The following STAT1 variants were observed in gnomAD, a reference collection of about 807,000 sequenced individuals.
STAT1 encodes signal transducer and activator of transcription 1-alpha/beta.
A neutral mutation model predicts 111.7 loss-of-function variants in STAT1; 24 were observed. The observed-to-expected ratio is 0.21, with a 90% CI of 0.16 to 0.30. The LOEUF is 0.30. Among genes scored for constraint, STAT1 ranks in the 10% least tolerant of loss-of-function variants. The probability of loss-of-function intolerance (pLI) is 1.00; values close to 1 mark genes in which losing one functional copy is unlikely to be tolerated. For missense variants in STAT1, 351 were observed against 911.9 expected (o/e 0.38, Z 7.92); for synonymous variants, 332 against 326.5 (o/e 1.02, Z -0.18).
intron 11 of STAT1, 43 bp downstream of exon 11, chr2:190,991,185 T>G (rs1367730265): frequency 6.3e-7 from 1 of 1,589,820 alleles, no homozygotes; most frequent in African/African-American, 1.3e-5. Flanking sequence ...GGGTACAAAC[T>G]ACGTGACAGG....
At position 190,976,859 on chromosome 2, in the gene STAT1, A is replaced by G. The variant is rs1330070497; in HGVS notation, c.2040T>C (p.Tyr680=). The part of the protein sequence containing the change: ...NIDKDHAFGK[Y]YSRPKEAPEP... ...ACTTACCTTCCTTTGGCCTGGAGTA[A>G]TACTTTCCAAAGGCATGGTCTTTGT... Residue 680 remains tyrosine, a synonymous_variant, in exon 22 of 25, where the codon TAT becomes TAC. Coordinates refer to ENST00000361099, the MANE Select transcript of STAT1 (RefSeq NM_007315.4). This position sits in a 1 kb window ranked among gnomAD's most constrained non-coding sequence, Gnocchi z 6.0. 4 of 1,614,162 alleles carry G rather than the reference A, an allele frequency of 2.5e-6. No homozygotes were observed. The highest frequency in any genetic ancestry group is 3.4e-6 in the Non-Finnish European group (4 of 1,180,004).
rs776960556 is a variant in STAT1, at chr2:190,979,861, A to G, written c.1638T>C (p.Asn546=). 1.5e-5 allele frequency: 24 copies of G among 1,604,934 alleles called. No homozygotes were observed. In the East Asian group the frequency reaches 5.4e-4, roughly 36 times the overall value. ...AGAAGGGAAAATTTTTATCATTTAT[A>G]TTTTCCTGAAAGTATACAAATGCAG... ...LIPWTRFCKE[N]INDKNFPFWL... is the part of the protein sequence containing the mutation. The change falls in exon 20 of 25, where the codon AAT becomes AAC. Residue 546 remains asparagine (N), a synonymous_variant. Coordinates refer to ENST00000361099, the MANE Select transcript of STAT1 (RefSeq NM_007315.4). The surrounding 1 kb of genome is among the most constrained non-coding windows in gnomAD (Gnocchi z 5.8).
chr2:190,978,890 T>C lies in STAT1; in HGVS notation c.1839A>G (p.Thr613=), dbSNP rs779585092. Residue 613 remains threonine (T), a synonymous_variant, in exon 21 of 25, where the codon ACA becomes ACG. Coordinates refer to ENST00000361099, the MANE Select transcript of STAT1 (RefSeq NM_007315.4). This position sits in a 1 kb window ranked among gnomAD's most constrained non-coding sequence, Gnocchi z 6.1. ...TCTGGGACCGCTCCACCCATGTGAATGTGATGGCCCCTTCCCGGGAGCTCT... is the reference window on the plus strand; with the variant it reads ...TCTGGGACCGCTCCACCCATGTGAACGTGATGGCCCCTTCCCGGGAGCTCT... ...FSESSREGAI[T]FTWVERSQNG... 1.9e-5 allele frequency: 30 copies of C among 1,614,048 alleles called. No individual in the cohort carries two copies. The South Asian group carries it at 3.3e-4, about 18-fold the overall frequency.
At chr2:190,972,274 A>G (rs1315850754) in intron 24 of STAT1, among the ~76,000 whole-genome samples, 2 of 152,264 alleles carry the variant, frequency 1.3e-5, no homozygotes, top group African/African-American at 4.8e-5. Flanking sequence ...GTAGTAGACA[A>G]TTAATAGCTA....
rs926637274 is a variant in STAT1, at chr2:190,981,900, T to C, written c.1582+483A>G. On this transcript the variant is annotated intron_variant, in intron 18 of 24. Transcript: ENST00000361099. This position sits in a 1 kb window ranked among gnomAD's most constrained non-coding sequence, Gnocchi z 4.1. Reference sequence around the variant, plus strand: ...CTGTCCAATCAGGCAAAACTGCAGATCAAAAGAGGCATCCTCTTGTGGGGA... The same window carrying C: ...CTGTCCAATCAGGCAAAACTGCAGACCAAAAGAGGCATCCTCTTGTGGGGA... 6.6e-6 allele frequency among the ~76,000 whole-genome samples: 1 copy of C among 152,186 alleles called. No homozygotes were observed. Among genetic ancestry groups the C allele is most frequent in the Non-Finnish European group, 1.5e-5 (1 of 68,026 alleles).
chr2:191,002,701 G>C (rs1694366035), intron 5 of STAT1, among the ~76,000 whole-genome samples: 1 of 152,136 alleles, frequency 6.6e-6, no homozygotes, highest in South Asian at 2.1e-4. Flanking sequence ...CTAAATAGCA[G>C]TGGAAACACA....
rs768434440 is a variant in STAT1, at chr2:190,987,049, T to A, written c.1117A>T (p.Thr373Ser). The A allele has an allele frequency of 4.3e-6, 7 of 1,610,310 alleles. No homozygotes were observed. In the Admixed American group the frequency reaches 6.7e-5, roughly 15 times the overall value. ...AAGTACGTCACGTACCCTTTTACTG[T>A]ATTTCTCTCATTCACATCTCTGCAA... ...LFDKDVNERN[T>S]VKGFRKFNIL... The change falls in exon 13 of 25, where the codon ACA becomes TCA. Residue 373 changes from threonine to serine, a missense_variant. Physicochemically the swap from Thr to Ser is moderately conservative, Grantham distance 58. Around this residue, in one of 7 missense-constraint regions of STAT1, gnomAD observed 23 missense variants for 123.1 expected, o/e 0.19. Transcript: ENST00000361099. The surrounding 1 kb of genome is among the most constrained non-coding windows in gnomAD (Gnocchi z 4.0).
Position 190,982,645 on chromosome 2 carries a change from G to T in STAT1, c.1447-127C>A. ...ATGACACACAGGTGCTTTCACAGTAGGGGAAGAGAAATACAGTCAATTTTC... is the reference window on the plus strand; with the variant it reads ...ATGACACACAGGTGCTTTCACAGTATGGGAAGAGAAATACAGTCAATTTTC... On this transcript the variant is annotated intron_variant, in intron 17 of 24. Coordinates refer to ENST00000361099, the MANE Select transcript of STAT1 (RefSeq NM_007315.4). This position sits in a 1 kb window ranked among gnomAD's most constrained non-coding sequence, Gnocchi z 7.3. 9.9e-7 allele frequency: 1 copy of T among 1,011,086 alleles called. No individual in the cohort carries two copies. Among genetic ancestry groups the T allele is most frequent in the Non-Finnish European group, 1.5e-6 (1 of 653,392 alleles). The allele number at this position is 1,011,086 out of a possible 1,614,324, so 62.6% of individuals were successfully genotyped here.
In STAT1 at chr2:191,003,116, C is replaced by A. The variant is rs1285911644; in HGVS notation, c.373-1953G>T. Among the ~76,000 whole-genome samples, 1 of 152,118 alleles carries A rather than the reference C, an allele frequency of 6.6e-6. No individual in the cohort carries two copies. The highest frequency in any genetic ancestry group is 1.9e-4 in the East Asian group (1 of 5,194). On this transcript the variant is annotated intron_variant, in intron 5 of 24. Coordinates refer to ENST00000361099, the MANE Select transcript of STAT1 (RefSeq NM_007315.4). The surrounding 1 kb of genome is among the most constrained non-coding windows in gnomAD (Gnocchi z 4.0). ...TTTTGTTTTATCTTTATCAGGCATA[C>A]GTCATCAAAGTTATTCTCTCTTCAT...
In STAT1 at chr2:190,987,303, C is replaced by T. The variant is rs1692933125; in HGVS notation, c.1098-235G>A. Among the ~76,000 whole-genome samples, 1 of 152,200 alleles carries T rather than the reference C, an allele frequency of 6.6e-6. No homozygotes were observed. Among genetic ancestry groups the T allele is most frequent in the South Asian group, 2.1e-4 (1 of 4,834 alleles). ...TAAATGGTCTGGGCCTTACATTGTT[C>T]ATTTGCACAACATACTAACAGTGCC... On this transcript the variant is annotated intron_variant, in intron 12 of 24. Transcript: ENST00000361099. This position sits in a 1 kb window ranked among gnomAD's most constrained non-coding sequence, Gnocchi z 4.0.
In STAT1 at chr2:190,983,519, T is replaced by C. The variant is rs1472259025; in HGVS notation, c.1446+123A>G. On this transcript the variant is annotated intron_variant, in intron 17 of 24. Coordinates refer to ENST00000361099, the MANE Select transcript of STAT1 (RefSeq NM_007315.4). This position sits in a 1 kb window ranked among gnomAD's most constrained non-coding sequence, Gnocchi z 5.7. ...CAGATTTACTCAAAAGCCTTAGAAA[T>C]ACCACAGGAGCTTTGTCACTTCTCC... The C allele has an allele frequency of 2.3e-6, 2 of 861,364 alleles. No homozygotes were observed. Among genetic ancestry groups the C allele is most frequent in the Non-Finnish European group, 4.0e-6 (2 of 502,294 alleles). The allele number at this position is 861,364 out of a possible 1,614,324, so 53.4% of individuals were successfully genotyped here.
At position 190,997,838 on chromosome 2, in the gene STAT1, TG is replaced by T; in HGVS notation, c.785+17del. The T allele has an allele frequency of 6.2e-7, 1 of 1,614,166 alleles. No individual in the cohort carries two copies. The highest frequency in any genetic ancestry group is 8.5e-7 in the Non-Finnish European group (1 of 1,180,044). On this transcript the variant is annotated intron_variant, in intron 9 of 24. Transcript: ENST00000361099. This position sits in a 1 kb window ranked among gnomAD's most constrained non-coding sequence, Gnocchi z 7.3. The stretch of plus-strand genomic sequence containing the variant: ...GTTAGCCAGTCAGCTGCCAGTTTTC[TG>T]CTTTGGAGAATCTTACCAGTTCTGC...
At chr2:190,985,111 C>A (rs768828260) in intron 15 of STAT1, among the ~76,000 whole-genome samples, 1 of 152,230 alleles carries the variant, frequency 6.6e-6, no homozygotes, top group Non-Finnish European at 1.5e-5. Context: ...ATATTTCATC[C>A]TTTGTCCATA....
At chr2:191,013,926 G>T in intron 1 of STAT1, 92 bp downstream of exon 1, 1 of 352,962 alleles carries the variant, frequency 2.8e-6, no homozygotes, top group Non-Finnish European at 5.1e-6. Flanking sequence ...CAGCACAGAC[G>T]GCCCGTCCTC....
At position 191,001,170 on chromosome 2, in the gene STAT1, T is replaced by TG. The variant is rs1559021132; in HGVS notation, c.373-8dup. On this transcript the variant is annotated splice_polypyrimidine_tract_variant and splice_region_variant and intron_variant, in intron 5 of 24. Coordinates refer to ENST00000361099, the MANE Select transcript of STAT1 (RefSeq NM_007315.4). ...GAATATTCCCCGACTGAGCCTGTAA[T>TG]GGGAAGGGCATGATTATAGCCATCG... 4 of 1,610,906 alleles carry TG rather than the reference T, an allele frequency of 2.5e-6. No homozygotes were observed. The highest frequency in any genetic ancestry group is 3.4e-6 in the Non-Finnish European group (4 of 1,177,036).
chr2:191,010,996 A>T (rs1459510764), intron 2 of STAT1, among the ~76,000 whole-genome samples: 1 of 152,230 alleles, frequency 6.6e-6, no homozygotes, highest in South Asian at 2.1e-4. Context: ...AGCAGACACA[A>T]GTGAATCTTG....
chr2:190,994,959 A>T (rs10190333), intron 10 of STAT1, 102 bp downstream of exon 10: 71,896 of 458,350 alleles, frequency 0.16, 9,220 homozygotes, highest in South Asian at 0.29. Flanking sequence ...TATATATATA[A>T]AAAACACCTA....
chr2:191,000,988 T>A lies in STAT1; in HGVS notation c.462+86A>T, dbSNP rs1469722839. 2.0e-5 allele frequency: 22 copies of A among 1,115,526 alleles called. No individual in the cohort carries two copies. Among genetic ancestry groups the A allele is most frequent in the Non-Finnish European group, 2.9e-5 (21 of 729,042 alleles). 69.1% of individuals were successfully genotyped at this position (1,115,526 alleles called of 1,614,324 possible). On this transcript the variant is annotated intron_variant, in intron 6 of 24. Coordinates refer to ENST00000361099, the MANE Select transcript of STAT1 (RefSeq NM_007315.4). The surrounding 1 kb of genome is among the most constrained non-coding windows in gnomAD (Gnocchi z 4.8). ...AACTACTTAAAAGACTGAACTCAGT[T>A]ACGAGGTTTACACCCCAAGCAATTG...
At position 190,981,806 on chromosome 2, in the gene STAT1, T is replaced by G. The variant is rs1475309417; in HGVS notation, c.1582+577A>C. Among the ~76,000 whole-genome samples, 1 of 152,274 alleles carries G rather than the reference T, an allele frequency of 6.6e-6. No individual in the cohort carries two copies. Among genetic ancestry groups the G allele is most frequent in the Non-Finnish European group, 1.5e-5 (1 of 68,046 alleles). Reference sequence around the variant, plus strand: ...GAGACTAGTGGATCTTTGATTTGTTTAGTATGAAGGACTAATAAATGCACT... The same window carrying G: ...GAGACTAGTGGATCTTTGATTTGTTGAGTATGAAGGACTAATAAATGCACT... On this transcript the variant is annotated intron_variant, in intron 18 of 24. Coordinates refer to ENST00000361099, the MANE Select transcript of STAT1 (RefSeq NM_007315.4). This position sits in a 1 kb window ranked among gnomAD's most constrained non-coding sequence, Gnocchi z 4.1.
Sources: gnomAD v4.1 joint callset for allele counts (sites outside exome capture counted in the v4.1 genomes callset) on GRCh38, gnomAD v4.1.1 for gene constraint, gnomAD v4.1.1 regional missense constraint, Gnocchi (gnomAD v3.1) non-coding constraint, MANE v1.5 for transcripts, NCBI Gene and HGNC (gene_info 2026-07-23, HGNC 2026-07-21) for gene names.